Variants in MAMLD1 observed in about 807,000 individuals in gnomAD.
MAMLD1 encodes mastermind-like domain-containing protein 1.
In MAMLD1, 14 loss-of-function variants were observed where a neutral mutation model predicts 45.0. That is an observed-to-expected ratio of 0.31 (90% confidence interval 0.21 to 0.49). MAMLD1 has a LOEUF of 0.49. MAMLD1 is among the 20% of genes least tolerant of loss of function. The probability of loss-of-function intolerance (pLI) is 0.99; values close to 1 mark genes in which losing one functional copy is unlikely to be tolerated. For missense variants in MAMLD1, 543 were observed against 603.6 expected, an observed-to-expected ratio of 0.90 and a Z score of 1.05; for synonymous variants, 254 against 247.8, an observed-to-expected ratio of 1.02 and a Z score of -0.24.
chrX:150,445,133 G>A (rs1487428043), intron 1 of MAMLD1, among the ~76,000 whole-genome samples: 1 of 112,233 alleles, frequency 8.9e-6, no homozygotes, highest in Non-Finnish European at 1.9e-5. Context: ...AAATCCAGAC[G>A]TAGGACCCAG....
intron 1 of MAMLD1, among the ~76,000 whole-genome samples, chrX:150,369,078 G>GT (rs1279816508): frequency 8.9e-6 from 1 of 112,130 alleles, no homozygotes; most frequent in Non-Finnish European, 1.9e-5. Flanking sequence ...CTTTAAAGTA[G>GT]TTTTTTCCAA....
intron 5 of MAMLD1, among the ~76,000 whole-genome samples, chrX:150,498,159 C>T (rs1027704688): frequency 1.8e-5 from 2 of 111,245 alleles, no homozygotes; most frequent in Non-Finnish European, 3.8e-5. Flanking sequence ...GGCCAGACCA[C>T]ACCTAGAACA....
At chrX:150,492,198 C>T (rs2037209013) in intron 5 of MAMLD1, among the ~76,000 whole-genome samples, 1 of 112,674 alleles carries the variant, frequency 8.9e-6, no homozygotes, top group Non-Finnish European at 1.9e-5. Flanking sequence ...CTTCCATAAG[C>T]CTCTGTCCCA....
intron 1 of MAMLD1, among the ~76,000 whole-genome samples, chrX:150,383,211 A>G (rs782516312): frequency 2.8e-5 from 3 of 107,556 alleles, no homozygotes; most frequent in African/African-American, 1.0e-4. Context: ...GCCCTGTCCC[A>G]TTTTAGAGTA....
At chrX:150,496,867 G>A (rs1557408301) in intron 5 of MAMLD1, among the ~76,000 whole-genome samples, 1 of 112,627 alleles carries the variant, frequency 8.9e-6, no homozygotes, top group Non-Finnish European at 1.9e-5. Context: ...CCACAGTGAG[G>A]TAACTGCCCA....
At chrX:150,416,234 G>A (rs1489747897) in intron 1 of MAMLD1, among the ~76,000 whole-genome samples, 5 of 111,359 alleles carry the variant, frequency 4.5e-5, no homozygotes, top group Non-Finnish European at 9.4e-5. Flanking sequence ...TTTGAGCAAC[G>A]GATCAAATGA....
intron 2 of MAMLD1, among the ~76,000 whole-genome samples, chrX:150,461,487 C>T (rs1322659028): frequency 7.2e-5 from 8 of 111,723 alleles, no homozygotes; most frequent in African/African-American, 2.6e-4. Flanking sequence ...GGAGTATTTC[C>T]TTCCTCACCT....
At chrX:150,403,659 G>A (rs1220836197) in intron 1 of MAMLD1, among the ~76,000 whole-genome samples, 1 of 109,490 alleles carries the variant, frequency 9.1e-6, no homozygotes, top group Non-Finnish European at 1.9e-5. Context: ...GATGAGCAAG[G>A]CCAGTCACTG....
At chrX:150,430,457 C>T (rs187836953) in intron 1 of MAMLD1, among the ~76,000 whole-genome samples, 6 of 111,343 alleles carry the variant, frequency 5.4e-5, no homozygotes, top group Non-Finnish European at 7.5e-5. Context: ...TTTCACAGAG[C>T]GAAAGATTTT....
chrX:150,397,245 T>C (rs1557402293), intron 1 of MAMLD1, among the ~76,000 whole-genome samples: 1 of 111,734 alleles, frequency 8.9e-6, no homozygotes, highest in Non-Finnish European at 1.9e-5. Context: ...TCAAATTGTC[T>C]AGCAAAATTA....
chrX:150,512,428 G>A lies in MAMLD1; in HGVS notation c.*469G>A, dbSNP rs782172130. The A allele has an allele frequency of 3.5e-6, 4 of 1,151,680 alleles. No homozygotes were observed. The highest frequency in any genetic ancestry group is 1.8e-5 in the African/African-American group (1 of 55,883). 94.9% of individuals were successfully genotyped at this position (1,151,680 alleles called of 1,213,427 possible). A position where few individuals can be genotyped will look rare whatever the true frequency, so the allele number is the denominator to read the frequency against. On this transcript the variant is annotated 3_prime_UTR_variant, in exon 8 of 8. Transcript: ENST00000370401. ...TCAACAATGCTGCATGGGTCACAGC[G>A]GCAGCAGCTGTGACCACAGCAGTTT...
intron 1 of MAMLD1, among the ~76,000 whole-genome samples, chrX:150,388,464 A>C (rs1165062345): frequency 5.4e-5 from 6 of 112,006 alleles, no homozygotes; most frequent in African/African-American, 1.9e-4. Flanking sequence ...AAAATTCTCC[A>C]ATGAAGCCAT....
chrX:150,463,128 C>T (rs2036103134), intron 3 of MAMLD1, among the ~76,000 whole-genome samples: 1 of 112,484 alleles, frequency 8.9e-6, no homozygotes, highest in Admixed American at 9.4e-5. Context: ...CTGGGTCCAG[C>T]AGAAGTGGAG....
chrX:150,403,893 A>G (rs1266209495), intron 1 of MAMLD1, among the ~76,000 whole-genome samples: 11 of 101,141 alleles, frequency 1.1e-4, no homozygotes, highest in Non-Finnish European at 4.0e-5. Context: ...GAAAGAAGAA[A>G]GAAAAAGAAA....
chrX:150,391,421 T>A (rs1235471131), intron 1 of MAMLD1, among the ~76,000 whole-genome samples: 1 of 111,449 alleles, frequency 9.0e-6, no homozygotes, highest in Non-Finnish European at 1.9e-5. Context: ...TTGTTCAGGT[T>A]GGGTGAATTA....
At chrX:150,494,372 A>C (rs1356842268) in intron 5 of MAMLD1, among the ~76,000 whole-genome samples, 1 of 110,754 alleles carries the variant, frequency 9.0e-6, no homozygotes, top group East Asian at 2.9e-4. Flanking sequence ...CCAGCCTGGG[A>C]GACAGAGCAA....
rs1433595710 is a variant in MAMLD1, at chrX:150,513,992, A to G, written c.*2033A>G. On this transcript the variant is annotated 3_prime_UTR_variant, in exon 8 of 8. Coordinates refer to ENST00000370401, the MANE Select transcript of MAMLD1 (RefSeq NM_005491.5). ...TTTCTATCTGCAATTATCGTCATGT[A>G]TATTTAAGTGTCTGTTATAGAAAAC... The G allele has an allele frequency of 1.0e-5, 3 of 291,866 alleles. No homozygotes were observed. The highest frequency in any genetic ancestry group is 8.3e-5 in the African/African-American group (3 of 36,354). 24.1% of individuals were successfully genotyped at this position (291,866 alleles called of 1,213,427 possible).
chrX:150,439,946 T>TA (rs782014064), intron 1 of MAMLD1, among the ~76,000 whole-genome samples: 4,243 of 104,011 alleles, frequency 0.041, 83 homozygotes, highest in Non-Finnish European at 0.06. Flanking sequence ...GACTCTGTCT[T>TA]AAAAAAAAAA....
At chrX:150,451,305 T>C (rs1557405058) in intron 2 of MAMLD1, among the ~76,000 whole-genome samples, 1 of 112,158 alleles carries the variant, frequency 8.9e-6, no homozygotes, top group Non-Finnish European at 1.9e-5. Flanking sequence ...AACAGGTTTC[T>C]GGAGGTGGAA....
Sources: gnomAD v4.1 joint callset for allele counts (sites outside exome capture counted in the v4.1 genomes callset) on GRCh38, gnomAD v4.1.1 for gene constraint, MANE v1.5 for transcripts, NCBI Gene and HGNC (gene_info 2026-07-23, HGNC 2026-07-21) for gene names.